The following SLC39A11 variants were observed in gnomAD, a reference collection of about 807,000 sequenced individuals.
SLC39A11 encodes solute carrier family 39 member 11.
SLC39A11 carries 33 observed loss-of-function variants against 36.1 expected under a neutral mutation model. The ratio of observed to expected loss-of-function variants is 0.91; its 90% CI spans 0.69 to 1.22. SLC39A11 has a LOEUF of 1.22. Among genes scored for constraint, SLC39A11 ranks in the 50% most tolerant of loss-of-function variants. The pLI is 0.00. For missense variants in SLC39A11, 432 were observed against 430.3 expected (o/e 1.00, Z -0.03); for synonymous variants, 166 against 170.3 (o/e 0.97, Z 0.20).
chr17:72,911,282 G>A (rs1287363331), intron 5 of SLC39A11, among the ~76,000 whole-genome samples: 1 of 151,966 alleles, frequency 6.6e-6, no homozygotes, highest in East Asian at 1.9e-4. Flanking sequence ...GGAGGAAGGG[G>A]GGAAGGATAG....
At chr17:72,744,779 T>C (rs952907630) in intron 6 of SLC39A11, among the ~76,000 whole-genome samples, 15 of 152,198 alleles carry the variant, frequency 9.9e-5, no homozygotes, top group Non-Finnish European at 1.0e-4. Context: ...CAAAGCCTAA[T>C]CACCTCCCCA....
intron 7 of SLC39A11, among the ~76,000 whole-genome samples, chr17:72,679,230 A>T (rs1018207516): frequency 6.6e-6 from 1 of 152,180 alleles, no homozygotes; most frequent in Non-Finnish European, 1.5e-5. Flanking sequence ...AATTATAGTT[A>T]ACAGTAATTT....
intron 4 of SLC39A11, among the ~76,000 whole-genome samples, chr17:73,004,119 A>AGAG (rs1568104702): frequency 6.7e-6 from 1 of 148,824 alleles, no homozygotes; most frequent in Non-Finnish European, 1.5e-5. Context: ...AGAGAGAGAG[A>AGAG]AAGAAAGAAA....
intron 7 of SLC39A11, among the ~76,000 whole-genome samples, chr17:72,688,699 CTT>C (rs1260686862): frequency 6.6e-6 from 1 of 152,202 alleles, no homozygotes; most frequent in African/African-American, 2.4e-5. Context: ...TCCAGGCAAA[CTT>C]AATGTAGCAG....
At chr17:72,844,076 T>A (rs972273890) in intron 6 of SLC39A11, among the ~76,000 whole-genome samples, 1 of 152,216 alleles carries the variant, frequency 6.6e-6, no homozygotes, top group Admixed American at 6.5e-5. Flanking sequence ...AAAGTCTGTC[T>A]TAAAAACCCA....
intron 7 of SLC39A11, among the ~76,000 whole-genome samples, chr17:72,732,010 T>C (rs546527659): frequency 8.2e-5 from 12 of 146,186 alleles, no homozygotes; most frequent in Non-Finnish European, 1.5e-4. Flanking sequence ...TACAGGCCCT[T>C]TTCTTTTCTT....
intron 7 of SLC39A11, among the ~76,000 whole-genome samples, chr17:72,712,558 G>A (rs910711428): frequency 3.0e-4 from 45 of 152,124 alleles, no homozygotes; most frequent in African/African-American, 1.0e-3. Context: ...AATTTTGGAT[G>A]GCCTTACCAG....
At chr17:72,692,243 C>T (rs1347281906) in intron 7 of SLC39A11, among the ~76,000 whole-genome samples, 1 of 152,140 alleles carries the variant, frequency 6.6e-6, no homozygotes, top group East Asian at 1.9e-4. Flanking sequence ...GATCTCCTGA[C>T]CTTGCGAACC....
At chr17:72,665,795 TTCTC>T (rs1326956446) in intron 7 of SLC39A11, among the ~76,000 whole-genome samples, 1 of 152,276 alleles carries the variant, frequency 6.6e-6, no homozygotes, top group African/African-American at 2.4e-5. Context: ...TTTTCTTTCT[TTCTC>T]TTTCTTTTCT....
intron 6 of SLC39A11, among the ~76,000 whole-genome samples, chr17:72,830,464 G>A (rs2078232442): frequency 6.6e-6 from 1 of 152,086 alleles, no homozygotes; most frequent in African/African-American, 2.4e-5. Flanking sequence ...AACACACACA[G>A]AAAAGAAAAC....
At chr17:72,743,088 A>G (rs1417045207) in intron 6 of SLC39A11, among the ~76,000 whole-genome samples, 3 of 152,208 alleles carry the variant, frequency 2.0e-5, no homozygotes, top group Admixed American at 6.5e-5. Flanking sequence ...TCACAGCCTG[A>G]GCTTGCTGAC....
chr17:72,778,195 A>G (rs934153790), intron 6 of SLC39A11, among the ~76,000 whole-genome samples: 1 of 152,174 alleles, frequency 6.6e-6, no homozygotes, highest in Admixed American at 6.5e-5. Flanking sequence ...ATGAGCCACC[A>G]GGCCTGGCCC....
At position 72,714,467 on chromosome 17, in the gene SLC39A11, C is replaced by T. The variant is rs117239324; in HGVS notation, c.671+22183G>A. 2.5e-3 allele frequency among the ~76,000 whole-genome samples: 380 copies of T among 152,148 alleles called. 2 individuals carry two copies. The highest frequency in any genetic ancestry group is 0.01 in the Middle Eastern group (3 of 294). On this transcript the variant is annotated intron_variant, in intron 7 of 9. Transcript: ENST00000255559. ...AGGCTAATACTGTTCAATAATGGGT[C>T]GCCAAAAAAGGAAGGAAGCAGGTAA...
At chr17:72,843,408 G>A (rs577483313) in intron 6 of SLC39A11, among the ~76,000 whole-genome samples, 28 of 152,290 alleles carry the variant, frequency 1.8e-4, no homozygotes, top group African/African-American at 6.7e-4. Context: ...ATTGTTATTA[G>A]GATGGTGGGG....
intron 5 of SLC39A11, among the ~76,000 whole-genome samples, chr17:72,905,294 T>C (rs1190769669): frequency 6.6e-6 from 1 of 150,690 alleles, no homozygotes; most frequent in Non-Finnish European, 1.5e-5. Context: ...CTATTTTTTT[T>C]TTTTTTTAAA....
intron 5 of SLC39A11, among the ~76,000 whole-genome samples, chr17:72,886,889 A>T (rs2081463523): frequency 6.6e-6 from 1 of 152,108 alleles, no homozygotes; most frequent in Non-Finnish European, 1.5e-5. Context: ...TGACCAGGAT[A>T]ATCTCTTCAC....
intron 8 of SLC39A11, 57 bp from the exon 9 acceptor site, chr17:72,649,018 G>T: frequency 6.3e-7 from 1 of 1,577,810 alleles, no homozygotes; most frequent in Non-Finnish European, 8.6e-7. Context: ...GACACTCCAC[G>T]TGCCCAGACT....
intron 6 of SLC39A11, among the ~76,000 whole-genome samples, chr17:72,737,295 T>A (rs1327627711): frequency 6.6e-6 from 1 of 151,576 alleles, no homozygotes; most frequent in African/African-American, 2.4e-5. Flanking sequence ...AAAATAAAAA[T>A]AAATTTATAT....
intron 3 of SLC39A11, among the ~76,000 whole-genome samples, chr17:73,065,396 C>G (rs767327450): frequency 2.0e-5 from 3 of 152,128 alleles, no homozygotes; most frequent in Non-Finnish European, 4.4e-5. Flanking sequence ...CAGAGCGAGA[C>G]TCCAGCTCAA....
Sources: gnomAD v4.1 joint callset for allele counts (sites outside exome capture counted in the v4.1 genomes callset) on GRCh38, gnomAD v4.1.1 for gene constraint, MANE v1.5 for transcripts, NCBI Gene and HGNC (gene_info 2026-07-23, HGNC 2026-07-21) for gene names.